MTERF4: variants seen among roughly 807,000 people sequenced by gnomAD.
MTERF4 encodes the protein transcription termination factor 4, mitochondrial.
MTERF4 carries 17 observed loss-of-function variants against 22.5 expected under a neutral mutation model. The observed-to-expected ratio is 0.75, with a 90% CI of 0.52 to 1.13. The LOEUF is 1.13. Ranked by LOEUF, MTERF4 falls within the 50% of genes most tolerant of loss-of-function variation. The probability of loss-of-function intolerance (pLI) is 0.00; values close to 1 mark genes in which losing one functional copy is unlikely to be tolerated. For synonymous variants in MTERF4, 165 were observed against 175.3 expected (o/e 0.94, Z 0.47); for missense variants, 420 against 466.8 (o/e 0.90, Z 0.92).
chr2:241,082,272 C>T (rs376157092), downstream of MTERF4: 25 of 1,601,676 alleles, frequency 1.6e-5, no homozygotes, highest in African/African-American at 5.3e-5. Flanking sequence ...CCTTCTTTGT[C>T]GCAGCCTGTA....
downstream of MTERF4, chr2:241,088,508 T>G: frequency 1.1e-6 from 1 of 928,366 alleles, no homozygotes; most frequent in Non-Finnish European, 1.8e-6. Flanking sequence ...TACTCAGCAC[T>G]GCTAAAGGAA....
exon 5 of MTERF4, chr2:241,072,540 C>T: frequency 3.1e-6 from 1 of 323,134 alleles, no homozygotes; most frequent in South Asian, 2.5e-5. Context: ...AGAGCCTAGT[C>T]ACCAGTTTAA....
downstream of MTERF4, chr2:241,094,612 C>G (rs140408698): frequency 1.6e-4 from 55 of 351,204 alleles, no homozygotes; most frequent in African/African-American, 9.9e-4. This position sits in a 1 kb window ranked among gnomAD's most constrained non-coding sequence, Gnocchi z 4.3. Context: ...GAAGTTGTCA[C>G]GAGTGAACAG....
In MTERF4 at chr2:241,073,491, C is replaced by G; in HGVS notation, n.2671G>C. The stretch of plus-strand genomic sequence containing the variant: ...GGCACAGAGCCTACCTGAGGGGAGG[C>G]TGAGCACCAGGCACCCCGGTGTGGG... On this transcript the variant is annotated non_coding_transcript_exon_variant, in exon 5 of 5. Coordinates refer to the MTERF4 transcript ENST00000464344. The surrounding 1 kb of genome is among the most constrained non-coding windows in gnomAD (Gnocchi z 6.6). 2.5e-6 allele frequency: 2 copies of G among 786,822 alleles called. No individual in the cohort carries two copies. Among genetic ancestry groups the G allele is most frequent in the South Asian group, 3.0e-5 (2 of 65,738 alleles). The allele number at this position is 786,822 out of a possible 1,614,324, so 48.7% of individuals were successfully genotyped here.
downstream of MTERF4, chr2:241,082,139 G>C: frequency 3.1e-6 from 2 of 644,180 alleles, no homozygotes; most frequent in Non-Finnish European, 5.5e-6. Context: ...GCAGACCCCC[G>C]GGCCCTCTCC....
At chr2:241,090,426 T>C, downstream of MTERF4, 1 of 1,547,584 alleles carries the variant, frequency 6.5e-7, no homozygotes, top group Non-Finnish European at 8.7e-7. Context: ...GTTAACTTTT[T>C]TTCATAAGTA....
chr2:241,080,390 T>G (rs749042135), intron 4 of MTERF4, among the ~76,000 whole-genome samples: 3 of 152,228 alleles, frequency 2.0e-5, no homozygotes, highest in Non-Finnish European at 4.4e-5. Flanking sequence ...CCTAATTTTC[T>G]AGTTCTGTTC....
the MTERF4 span, chr2:241,053,378 T>A: frequency 1.1e-5 from 17 of 1,503,056 alleles, 2 homozygotes; most frequent in Non-Finnish European, 1.4e-5. Context: ...ACCCTCCTCA[T>A]CCTGGCCATG....
At chr2:241,064,354 C>A in the MTERF4 span, among the ~76,000 whole-genome samples, 2 of 152,156 alleles carry the variant, frequency 1.3e-5, no homozygotes, top group Non-Finnish European at 2.9e-5. This position sits in a 1 kb window ranked among gnomAD's most constrained non-coding sequence, Gnocchi z 7.0. Context: ...GCTCACCCCC[C>A]AGACACCCCT....
the MTERF4 span, chr2:241,063,520 A>G: frequency 7.4e-5 from 75 of 1,009,126 alleles, 1 homozygote; most frequent in East Asian, 1.7e-3. Flanking sequence ...AATGCACGGA[A>G]TCCTGGGGGC....
At chr2:241,099,954 A>T (rs766153593) in intron 1 of MTERF4, 60 bp from the exon 2 acceptor site, 1 of 1,551,880 alleles carries the variant, frequency 6.4e-7, no homozygotes, top group South Asian at 1.2e-5. Flanking sequence ...AATGGACACC[A>T]TAAGACTTCT....
chr2:241,085,195 T>A, downstream of MTERF4, among the ~76,000 whole-genome samples: 1 of 152,218 alleles, frequency 6.6e-6, no homozygotes, highest in East Asian at 1.9e-4. Flanking sequence ...TCTTCATATA[T>A]TTTTCCTGTC....
At chr2:241,094,518 T>C (rs540412168), downstream of MTERF4, 12 of 395,240 alleles carry the variant, frequency 3.0e-5, no homozygotes, top group East Asian at 8.1e-4. This position sits in a 1 kb window ranked among gnomAD's most constrained non-coding sequence, Gnocchi z 4.3. Flanking sequence ...TTCCAGTGCA[T>C]AGGGGAAAGG....
chr2:241,089,262 C>A, downstream of MTERF4: 1 of 1,533,034 alleles, frequency 6.5e-7, no homozygotes, highest in East Asian at 2.5e-5. Context: ...GCTCTTCCTG[C>A]CCCTTATAGG....
chr2:241,054,339 G>C, the MTERF4 span, among the ~76,000 whole-genome samples: 14 of 152,330 alleles, frequency 9.2e-5, no homozygotes, highest in South Asian at 2.9e-3. Context: ...AAGCAGAAGT[G>C]TAGAAGACAG....
At chr2:241,077,843 G>A (rs142394979) in intron 4 of MTERF4, among the ~76,000 whole-genome samples, 184 of 152,310 alleles carry the variant, frequency 1.2e-3, no homozygotes, top group African/African-American at 4.1e-3. Context: ...TGGTGAGGAC[G>A]TGGAGAGATC....
chr2:241,088,502 C>A, downstream of MTERF4: 2 of 970,716 alleles, frequency 2.1e-6, no homozygotes, highest in South Asian at 1.3e-5. Context: ...CCTGCTTACT[C>A]AGCACTGCTA....
At chr2:241,068,962 G>T, downstream of MTERF4, 1 of 1,556,768 alleles carries the variant, frequency 6.4e-7, no homozygotes. The surrounding 1 kb of genome is among the most constrained non-coding windows in gnomAD (Gnocchi z 5.3). Context: ...CCCTCAGTGG[G>T]CTCAGGGGAG....
At chr2:241,064,984 G>A in the MTERF4 span, 9 of 1,522,536 alleles carry the variant, frequency 5.9e-6, no homozygotes, top group Non-Finnish European at 8.0e-6. The surrounding 1 kb of genome is among the most constrained non-coding windows in gnomAD (Gnocchi z 7.0). Context: ...CCTCCAGTGA[G>A]GGAGCCACGA....
Sources: gnomAD v4.1 joint callset for allele counts (sites outside exome capture counted in the v4.1 genomes callset) on GRCh38, gnomAD v4.1.1 for gene constraint, Gnocchi (gnomAD v3.1) non-coding constraint, MANE v1.5 for transcripts, NCBI Gene and HGNC (gene_info 2026-07-23, HGNC 2026-07-21) for gene names.